FAM107B: variants seen among roughly 807,000 people sequenced by gnomAD.
The protein encoded by FAM107B is family with sequence similarity 107 member B, also known as protein FAM107B.
A neutral mutation model predicts 31.5 loss-of-function variants in FAM107B; 21 were observed. The ratio of observed to expected loss-of-function variants is 0.67; its 90% CI spans 0.47 to 0.96. The LOEUF is 0.96. FAM107B is among the 40% of genes least tolerant of loss of function. The pLI is 0.00. For missense variants in FAM107B, 452 were observed against 377.1 expected (o/e 1.20, Z -1.64); for synonymous variants, 157 against 141.5 (o/e 1.11, Z -0.78).
At chr10:14,574,153 G>GA (rs1273358534) in intron 2 of FAM107B, among the ~76,000 whole-genome samples, 4 of 152,162 alleles carry the variant, frequency 2.6e-5, no homozygotes, top group African/African-American at 4.8e-5. Context: ...GCCACCCTGA[G>GA]AAAAAATCTT....
intron 1 of FAM107B, among the ~76,000 whole-genome samples, chr10:14,764,347 G>A: frequency 6.6e-6 from 1 of 152,134 alleles, no homozygotes; most frequent in East Asian, 1.9e-4. Context: ...CTTTAGGATG[G>A]GCAATCAAAT....
chr10:14,653,350 C>T (rs951662171), intron 2 of FAM107B, among the ~76,000 whole-genome samples: 1 of 152,130 alleles, frequency 6.6e-6, no homozygotes, highest in Non-Finnish European at 1.5e-5. Context: ...TTATGCTGAT[C>T]GAAATCTATC....
At chr10:14,735,123 G>T (rs184833622) in intron 1 of FAM107B, among the ~76,000 whole-genome samples, 1 of 152,136 alleles carries the variant, frequency 6.6e-6, no homozygotes, top group Non-Finnish European at 1.5e-5. Context: ...CCATTCCAGC[G>T]GATAAAATAA....
intron 2 of FAM107B, 81 bp downstream of exon 2, chr10:14,667,553 A>T: frequency 7.0e-7 from 1 of 1,429,390 alleles, no homozygotes; most frequent in Non-Finnish European, 9.7e-7. Flanking sequence ...TTCCTTTGCA[A>T]TCTGAAAAGC....
intron 2 of FAM107B, among the ~76,000 whole-genome samples, chr10:14,621,748 C>G (rs931574674): frequency 1.3e-5 from 2 of 152,104 alleles, no homozygotes; most frequent in African/African-American, 4.8e-5. Flanking sequence ...TTTTTTGAGG[C>G]CTTCCCAGCC....
intron 2 of FAM107B, among the ~76,000 whole-genome samples, chr10:14,604,593 C>T (rs1852536755): frequency 6.6e-6 from 1 of 151,808 alleles, no homozygotes; most frequent in African/African-American, 2.4e-5. Flanking sequence ...GGCTGCAGCG[C>T]TCGGCCTCCG....
At chr10:14,703,953 G>A (rs559715703) in intron 1 of FAM107B, among the ~76,000 whole-genome samples, 1 of 152,296 alleles carries the variant, frequency 6.6e-6, no homozygotes, top group Admixed American at 6.5e-5. Context: ...TTTTAAAGGG[G>A]GAGAGGAAAA....
At chr10:14,690,039 G>T (rs1588707965) in intron 1 of FAM107B, among the ~76,000 whole-genome samples, 1 of 140,098 alleles carries the variant, frequency 7.1e-6, no homozygotes, top group Admixed American at 7.2e-5. Flanking sequence ...GGGAGGGAGG[G>T]AGGGAGGGAG....
intron 1 of FAM107B, among the ~76,000 whole-genome samples, chr10:14,690,928 A>C (rs1261586653): frequency 1.6e-5 from 2 of 123,510 alleles, no homozygotes; most frequent in South Asian, 4.8e-4. Context: ...TTTCATGGGC[A>C]TTTGTTGATT....
At chr10:14,621,833 C>A (rs549896199) in intron 2 of FAM107B, among the ~76,000 whole-genome samples, 3 of 151,700 alleles carry the variant, frequency 2.0e-5, no homozygotes, top group South Asian at 2.1e-4. Flanking sequence ...GCTTGGAGAG[C>A]AAAAAGAAAG....
chr10:14,601,572 C>T (rs1202272459), intron 2 of FAM107B, among the ~76,000 whole-genome samples: 1 of 152,070 alleles, frequency 6.6e-6, no homozygotes, highest in Non-Finnish European at 1.5e-5. Context: ...CAGCAGCTTT[C>T]CCACCCCCGA....
At chr10:14,536,292 G>C (rs764824967) in intron 2 of FAM107B, among the ~76,000 whole-genome samples, 1 of 152,152 alleles carries the variant, frequency 6.6e-6, no homozygotes, top group African/African-American at 2.4e-5. Flanking sequence ...TTACAGGTGC[G>C]CTACCACCAA....
At position 14,706,671 on chromosome 10, in the gene FAM107B, A is replaced by G. The variant is rs1855527523; in HGVS notation, c.412-38980T>C. Among the ~76,000 whole-genome samples, 4 of 152,238 alleles carry G rather than the reference A, an allele frequency of 2.6e-5. No individual in the cohort carries two copies. The South Asian group carries it at 6.2e-4, about 24-fold the overall frequency. ...TTGTGTAATATAGACATTGTAAGGC[A>G]TAAAATCCAACCTGCCCTTCCCCTC... On this transcript the variant is annotated intron_variant, in intron 1 of 4. Transcript: ENST00000181796.
chr10:14,718,608 G>A (rs935200015), intron 1 of FAM107B, among the ~76,000 whole-genome samples: 3 of 152,176 alleles, frequency 2.0e-5, no homozygotes, highest in Admixed American at 2.0e-4. Context: ...AACAGCATGA[G>A]TTAGGTGAGC....
At chr10:14,521,570 C>T (rs948166265) in intron 4 of FAM107B, among the ~76,000 whole-genome samples, 3 of 152,132 alleles carry the variant, frequency 2.0e-5, no homozygotes, top group East Asian at 1.9e-4. Context: ...GGAGTCAACG[C>T]GCAGTTGCTC....
chr10:14,692,265 A>C (rs528282415), intron 1 of FAM107B, among the ~76,000 whole-genome samples: 1 of 152,300 alleles, frequency 6.6e-6, no homozygotes, highest in African/African-American at 2.4e-5. Context: ...GGCACACCAA[A>C]GATGAGCTCC....
chr10:14,663,887 CAAAAAAAAAAAAAAAAA>C (rs3035297), intron 2 of FAM107B, among the ~76,000 whole-genome samples: 2 of 80,384 alleles, frequency 2.5e-5, no homozygotes, highest in Admixed American at 3.5e-4. Context: ...GATCATCAGC[CAAAAAAAAAAAAAAAAA>C]AAAAAAAAAT....
intron 2 of FAM107B, among the ~76,000 whole-genome samples, chr10:14,644,998 C>CCAACCTGCTCACCAAGTGTCA (rs1418929760): frequency 1.3e-5 from 2 of 152,120 alleles, no homozygotes; most frequent in African/African-American, 2.4e-5. Flanking sequence ...AAGCCTGGTC[C>CCAACCTGCTCACCAAGTGTCA]CAACCTGCTC....
intron 3 of FAM107B, 197 bp downstream of exon 3, chr10:14,530,135 C>T: frequency 1.7e-6 from 1 of 588,536 alleles, no homozygotes. Context: ...TGCTGGCCAC[C>T]ACAGTGATGG....
Sources: allele counts gnomAD v4.1 joint callset (sites outside exome capture counted in the v4.1 genomes callset), GRCh38; gene constraint gnomAD v4.1.1; transcripts MANE v1.5; gene names NCBI Gene and HGNC (gene_info 2026-07-23, HGNC 2026-07-21).